DLG2: variants seen among roughly 807,000 people sequenced by gnomAD.
DLG2 encodes discs large MAGUK scaffold protein 2, also known as disks large homolog 2.
In DLG2, 45 loss-of-function variants were observed where a neutral mutation model predicts 132.5. The observed-to-expected ratio is 0.34, with a 90% CI of 0.27 to 0.44. The LOEUF is 0.44. DLG2 is among the 20% of genes least tolerant of loss of function. DLG2 has a pLI of 1.00. For missense variants in DLG2, 1,045 were observed against 1,196.9 expected, an observed-to-expected ratio of 0.87 and a Z score of 1.87; for synonymous variants, 424 against 419.6, an observed-to-expected ratio of 1.01 and a Z score of -0.13.
intron 7 of DLG2, among the ~76,000 whole-genome samples, chr11:84,434,732 C>T (rs976202736): frequency 6.6e-6 from 1 of 151,914 alleles, no homozygotes; most frequent in African/African-American, 2.4e-5. Context: ...GTAGACAAGA[C>T]AACTAGTAAT....
At chr11:84,256,142 T>C (rs1209768023) in intron 7 of DLG2, among the ~76,000 whole-genome samples, 1 of 151,752 alleles carries the variant, frequency 6.6e-6, no homozygotes, top group Non-Finnish European at 1.5e-5. Flanking sequence ...TTTTTTTTGC[T>C]TGCTTCCAAG....
chr11:83,756,420 A>G (rs1161119739), intron 18 of DLG2, among the ~76,000 whole-genome samples: 1 of 151,532 alleles, frequency 6.6e-6, no homozygotes, highest in Non-Finnish European at 1.5e-5. Context: ...GCTAATTTTC[A>G]TAGCTTTTAT....
chr11:84,008,736 CAA>C lies in DLG2; in HGVS notation c.920-28096_920-28095del, dbSNP rs1459826015. Among the ~76,000 whole-genome samples the C allele has an allele frequency of 3.3e-5, 5 of 151,818 alleles. No homozygotes were observed. In the East Asian group the frequency reaches 9.7e-4, roughly 29 times the overall value. The stretch of plus-strand genomic sequence containing the variant: ...ATTTGCACATTGGGTAGAGGCAAAA[CAA>C]GATCTAAAACAAATTTGATCCTTTG... On this transcript the variant is annotated intron_variant, in intron 11 of 27. Transcript: ENST00000376104.
At chr11:83,793,359 T>C (rs2042041447) in intron 17 of DLG2, among the ~76,000 whole-genome samples, 1 of 152,224 alleles carries the variant, frequency 6.6e-6, no homozygotes. Context: ...TCTTCACCAA[T>C]CTATTTAACA....
chr11:84,357,372 G>T (rs1409632295), intron 7 of DLG2, among the ~76,000 whole-genome samples: 3 of 152,042 alleles, frequency 2.0e-5, no homozygotes, highest in African/African-American at 7.2e-5. Context: ...GTCCATGTAT[G>T]TCTTCCTCTC....
chr11:84,630,978 T>TG, intron 6 of DLG2, among the ~76,000 whole-genome samples: 1 of 123,978 alleles, frequency 8.1e-6, no homozygotes, highest in East Asian at 2.3e-4. Flanking sequence ...CTTAAATGCA[T>TG]TTCTCTCTCT....
At chr11:83,917,048 T>C (rs1345007421) in intron 15 of DLG2, among the ~76,000 whole-genome samples, 2 of 152,212 alleles carry the variant, frequency 1.3e-5, no homozygotes, top group Non-Finnish European at 2.9e-5. Context: ...GTCCTGAGGA[T>C]GCACTATTAG....
intron 18 of DLG2, among the ~76,000 whole-genome samples, chr11:83,679,763 C>T (rs1448320626): frequency 2.0e-5 from 3 of 152,156 alleles, no homozygotes; most frequent in Non-Finnish European, 4.4e-5. Context: ...GCTTTACCTA[C>T]ATCATCAATT....
chr11:83,717,237 T>C (rs1028883417), intron 18 of DLG2, among the ~76,000 whole-genome samples: 1 of 152,188 alleles, frequency 6.6e-6, no homozygotes, highest in Non-Finnish European at 1.5e-5. Flanking sequence ...CGACCACCAA[T>C]ACAAATTAAA....
intron 8 of DLG2, among the ~76,000 whole-genome samples, chr11:84,237,069 C>T (rs989124388): frequency 1.3e-5 from 2 of 151,948 alleles, no homozygotes; most frequent in African/African-American, 4.8e-5. Flanking sequence ...GCTGAGACTA[C>T]AGGCGCGTGC....
chr11:84,298,505 A>T (rs1204882315), intron 7 of DLG2, among the ~76,000 whole-genome samples: 1 of 152,154 alleles, frequency 6.6e-6, no homozygotes, highest in East Asian at 1.9e-4. Flanking sequence ...TAAAGATACC[A>T]CCCTTTCAAT....
intron 4 of DLG2, among the ~76,000 whole-genome samples, chr11:85,279,722 CA>C (rs537838186): frequency 2.3e-4 from 33 of 145,578 alleles, no homozygotes; most frequent in African/African-American, 3.8e-4. Context: ...AAGCAAACAG[CA>C]AAAAAAAAAA....
chr11:83,935,269 A>G (rs541749003), intron 14 of DLG2, among the ~76,000 whole-genome samples: 18 of 152,210 alleles, frequency 1.2e-4, no homozygotes, highest in Non-Finnish European at 2.6e-4. Flanking sequence ...CTTTACAAAT[A>G]ATACACTGTT....
chr11:85,486,198 G>C (rs1473081722), intron 3 of DLG2, among the ~76,000 whole-genome samples: 1 of 152,096 alleles, frequency 6.6e-6, no homozygotes, highest in Non-Finnish European at 1.5e-5. Flanking sequence ...AAAAGGGAAA[G>C]AGGAGACCAG....
chr11:85,089,003 T>G (rs1251963214), intron 6 of DLG2, among the ~76,000 whole-genome samples: 1 of 152,146 alleles, frequency 6.6e-6, no homozygotes, highest in Non-Finnish European at 1.5e-5. Flanking sequence ...CCTAAAAATA[T>G]CTCCTCTTTT....
intron 18 of DLG2, among the ~76,000 whole-genome samples, chr11:83,750,429 C>A (rs2093227737): frequency 6.6e-6 from 1 of 152,040 alleles, no homozygotes; most frequent in African/African-American, 2.4e-5. Flanking sequence ...TAAGAATTAC[C>A]AAATGTAGAA....
intron 7 of DLG2, among the ~76,000 whole-genome samples, chr11:84,504,989 C>G (rs1172001919): frequency 6.6e-6 from 1 of 152,086 alleles, no homozygotes; most frequent in Non-Finnish European, 1.5e-5. Flanking sequence ...TTTCCATTCA[C>G]TCTTTTATAT....
chr11:84,814,926 C>A (rs2076942470), intron 6 of DLG2, among the ~76,000 whole-genome samples: 1 of 152,038 alleles, frequency 6.6e-6, no homozygotes, highest in Non-Finnish European at 1.5e-5. Context: ...GCCTATTTAA[C>A]ATATAGATGC....
At position 84,029,432 on chromosome 11, in the gene DLG2, A is replaced by T. The variant is rs1244737585; in HGVS notation, c.919+29883T>A. 2.5e-4 allele frequency among the ~76,000 whole-genome samples: 38 copies of T among 152,092 alleles called. 1 individual carries two copies. Among genetic ancestry groups the T allele is most frequent in the Admixed American group, 2.4e-3 (37 of 15,240 alleles). On this transcript the variant is annotated intron_variant, in intron 11 of 27. Transcript: ENST00000376104. Reference sequence around the variant, plus strand: ...CACTCTTTGCAGAAATGAGAAAAAAAAATCTCAAAAGCGAGCGAAAATTTA... The same window carrying T: ...CACTCTTTGCAGAAATGAGAAAAAATAATCTCAAAAGCGAGCGAAAATTTA...
Sources: allele counts gnomAD v4.1 joint callset (sites outside exome capture counted in the v4.1 genomes callset), GRCh38; gene constraint gnomAD v4.1.1; transcripts MANE v1.5; gene names NCBI Gene and HGNC (gene_info 2026-07-23, HGNC 2026-07-21).